PCDHGA9: variants seen among roughly 807,000 people sequenced by gnomAD.
PCDHGA9 encodes the protein protocadherin gamma subfamily A, 9, also known as protocadherin gamma-A9.
PCDHGA9 carries 37 observed loss-of-function variants against 62.5 expected under a neutral mutation model. That is an observed-to-expected ratio of 0.59 (90% CI 0.46 to 0.78). PCDHGA9 has a LOEUF of 0.78. Ranked by LOEUF, PCDHGA9 falls within the 30% of genes least tolerant of loss-of-function variation. The pLI, the probability that PCDHGA9 is intolerant of heterozygous loss-of-function variation, is 0.00. For synonymous variants in PCDHGA9, 459 were observed against 484.6 expected, an observed-to-expected ratio of 0.95 and a Z score of 0.69; for missense variants, 1,138 against 1,166.2, an observed-to-expected ratio of 0.98 and a Z score of 0.35.
chr5:141,420,047 G>C (rs1242042066), intron 1 of PCDHGA9: 1 of 1,613,958 alleles, frequency 6.2e-7, no homozygotes, highest in East Asian at 2.2e-5. Flanking sequence ...CTTTGAGTCA[G>C]TTCTCTGCTC....
intron 1 of PCDHGA9, chr5:141,427,993 C>G: frequency 6.3e-7 from 1 of 1,599,460 alleles, no homozygotes; most frequent in South Asian, 1.1e-5. Flanking sequence ...CCCGATGGCT[C>G]CGCACTCTTC....
chr5:141,449,830 T>G (rs1316368063), intron 1 of PCDHGA9, among the ~76,000 whole-genome samples: 1 of 151,724 alleles, frequency 6.6e-6, no homozygotes, highest in Non-Finnish European at 1.5e-5. Flanking sequence ...AAGGACATTC[T>G]TTTATATAAT....
chr5:141,501,013 C>A (rs1456343329), intron 2 of PCDHGA9, among the ~76,000 whole-genome samples: 6 of 151,970 alleles, frequency 3.9e-5, no homozygotes, highest in Non-Finnish European at 8.8e-5. Flanking sequence ...GGACTACAGG[C>A]ACGCGCCACC....
Position 141,510,957 on chromosome 5 carries a change from T to C in PCDHGA9, c.2583T>C (p.Asp861=), listed in dbSNP as rs372617587. ...MILASASEAA[D]GSSTLGGGAG... ...CCTCTGTCTCTGCAGAAGCTGCTGA[T>C]GGGAGCTCCACCCTGGGAGGGGGTG... Residue 861 remains aspartate, a synonymous_variant, in exon 4 of 4, where the codon GAT becomes GAC. Transcript: ENST00000573521. 2.5e-6 allele frequency: 4 copies of C among 1,614,134 alleles called. No individual in the cohort carries two copies. The highest frequency in any genetic ancestry group is 3.4e-6 in the Non-Finnish European group (4 of 1,180,004).
chr5:141,432,227 T>C lies in PCDHGA9; in HGVS notation c.2424+26851T>C, dbSNP rs1046414550. On this transcript the variant is annotated intron_variant, in intron 1 of 3. Coordinates refer to ENST00000573521, the MANE Select transcript of PCDHGA9 (RefSeq NM_018921.3). This position sits in a 1 kb window ranked among gnomAD's most constrained non-coding sequence, Gnocchi z 6.0. ...TGAAGAGAACGCCCAGATCACTTATTCCCTGGCTGAGAACACCATCCAAGG... is the reference window on the plus strand; with the variant it reads ...TGAAGAGAACGCCCAGATCACTTATCCCCTGGCTGAGAACACCATCCAAGG... 1.4e-5 allele frequency: 22 copies of C among 1,614,080 alleles called. No individual in the cohort carries two copies. The highest frequency in any genetic ancestry group is 1.8e-5 in the Non-Finnish European group (21 of 1,180,042).
At chr5:141,458,907 A>AT (rs759653270) in intron 1 of PCDHGA9, among the ~76,000 whole-genome samples, 1 of 151,752 alleles carries the variant, frequency 6.6e-6, no homozygotes, top group Non-Finnish European at 1.5e-5. Context: ...AATTTTTTCT[A>AT]TTTTTTGTGG....
chr5:141,446,623 TGC>T (rs1310809206), intron 1 of PCDHGA9, among the ~76,000 whole-genome samples: 1 of 152,014 alleles, frequency 6.6e-6, no homozygotes, highest in African/African-American at 2.4e-5. Flanking sequence ...ACTACAGGCG[TGC>T]ACCACCACGC....
chr5:141,414,087 A>G (rs377653676), intron 1 of PCDHGA9: 31 of 1,599,656 alleles, frequency 1.9e-5, no homozygotes, highest in Middle Eastern at 3.3e-4. Context: ...ATACTGGAGA[A>G]ATAAAAATAT....
In PCDHGA9 at chr5:141,432,670, G is replaced by C; in HGVS notation, c.2424+27294G>C. On this transcript the variant is annotated intron_variant, in intron 1 of 3. Transcript: ENST00000573521. The surrounding 1 kb of genome is among the most constrained non-coding windows in gnomAD (Gnocchi z 6.0). ...CGCGAGCCCTGCTGGACAGAGACGCGCTCAAGCAGAGCCTCGTAGTGGCCG... is the reference window on the plus strand; with the variant it reads ...CGCGAGCCCTGCTGGACAGAGACGCCCTCAAGCAGAGCCTCGTAGTGGCCG... 1 of 1,613,868 alleles carries C rather than the reference G, an allele frequency of 6.2e-7. No homozygotes were observed. The highest frequency in any genetic ancestry group is 8.5e-7 in the Non-Finnish European group (1 of 1,179,940).
rs775489120 is a variant in PCDHGA9 at position 141,418,594 on chromosome 5, C to T, written c.2424+13218C>T. ...ACAACCCCCCAGTGTTCAGCCAGGA[C>T]GTGTACAGGGTTAGCCTTCGGGAAG... On this transcript the variant is annotated intron_variant, in intron 1 of 3. Coordinates refer to ENST00000573521, the MANE Select transcript of PCDHGA9 (RefSeq NM_018921.3). The T allele has an allele frequency of 3.1e-6, 5 of 1,614,022 alleles. No individual in the cohort carries two copies. In the Admixed American group the frequency reaches 8.3e-5, roughly 27 times the overall value.
At position 141,512,574 on chromosome 5, in the gene PCDHGA9, C is replaced by T. The variant is rs1429371202; in HGVS notation, c.*1401C>T. 6.5e-6 allele frequency: 1 copy of T among 152,884 alleles called. No homozygotes were observed. Among genetic ancestry groups the T allele is most frequent in the Non-Finnish European group, 1.5e-5 (1 of 68,502 alleles). The allele number at this position is 152,884 out of a possible 1,614,324, so 9.5% of individuals were successfully genotyped here. On this transcript the variant is annotated 3_prime_UTR_variant, in exon 4 of 4. Coordinates refer to ENST00000573521, the MANE Select transcript of PCDHGA9 (RefSeq NM_018921.3). ...GTGCATAGACCTTCTTCTCCCACCCCCTTCTGCCCCTGGGTCCCCGGCCAT... is the reference window on the plus strand; with the variant it reads ...GTGCATAGACCTTCTTCTCCCACCCTCTTCTGCCCCTGGGTCCCCGGCCAT...
intron 2 of PCDHGA9, among the ~76,000 whole-genome samples, chr5:141,503,340 T>A (rs1394172617): frequency 6.6e-6 from 1 of 152,064 alleles, no homozygotes; most frequent in African/African-American, 2.4e-5. Flanking sequence ...CTCACGCCTG[T>A]AATTCCAGCA....
chr5:141,422,062 A>C, intron 1 of PCDHGA9: 4 of 1,612,140 alleles, frequency 2.5e-6, no homozygotes, highest in Non-Finnish European at 3.4e-6. Context: ...CGGGGAAGTA[A>C]TGTATTCATT....
At position 141,431,367 on chromosome 5, in the gene PCDHGA9, A is replaced by G; in HGVS notation, c.2424+25991A>G. 1.2e-6 allele frequency: 2 copies of G among 1,613,984 alleles called. No homozygotes were observed. The highest frequency in any genetic ancestry group is 2.2e-5 in the South Asian group (2 of 91,084). On this transcript the variant is annotated intron_variant, in intron 1 of 3. Coordinates refer to ENST00000573521, the MANE Select transcript of PCDHGA9 (RefSeq NM_018921.3). This position sits in a 1 kb window ranked among gnomAD's most constrained non-coding sequence, Gnocchi z 4.8. ...GTGCTGAAACGCGCCCTGGACCGCGAAGAAAAGGCTGCTCACCACCTGGTC... is the reference window on the plus strand; with the variant it reads ...GTGCTGAAACGCGCCCTGGACCGCGGAGAAAAGGCTGCTCACCACCTGGTC...
chr5:141,457,942 T>C (rs2098933338), intron 1 of PCDHGA9, among the ~76,000 whole-genome samples: 1 of 152,226 alleles, frequency 6.6e-6, no homozygotes, highest in Non-Finnish European at 1.5e-5. Flanking sequence ...TTATTGGCTC[T>C]GCATGTCAAG....
At position 141,490,840 on chromosome 5, in the gene PCDHGA9, G is replaced by C. The variant is rs1177428192; in HGVS notation, c.2425-3967G>C. On this transcript the variant is annotated intron_variant, in intron 1 of 3. Transcript: ENST00000573521. This position sits in a 1 kb window ranked among gnomAD's most constrained non-coding sequence, Gnocchi z 5.4. Reference sequence around the variant, plus strand: ...ATTGCTGCAGATGCTGCAGATTGTGGTGGGGGTTCGAGACTCCGGCTCTCC... The same window carrying C: ...ATTGCTGCAGATGCTGCAGATTGTGCTGGGGGTTCGAGACTCCGGCTCTCC... 2 of 1,613,900 alleles carry C rather than the reference G, an allele frequency of 1.2e-6. No homozygotes were observed. Among genetic ancestry groups the C allele is most frequent in the Middle Eastern group, 3.3e-4 (2 of 6,058 alleles).
At position 141,404,276 on chromosome 5, in the gene PCDHGA9, G is replaced by A. The variant is rs754510135; in HGVS notation, c.1324G>A (p.Val442Met). The change falls in exon 1 of 4, where the codon GTG becomes ATG. Residue 442 changes from valine (V) to methionine (M), a missense_variant. Coordinates refer to ENST00000573521, the MANE Select transcript of PCDHGA9 (RefSeq NM_018921.3). ...LSTEIHITLQ[V>M]TDINDNPPAF... ...CACAGAAATTCACATCACCCTGCAAGTGACTGACATCAATGATAATCCACC... is the reference window on the plus strand; with the variant it reads ...CACAGAAATTCACATCACCCTGCAAATGACTGACATCAATGATAATCCACC... 1 of 1,613,992 alleles carries A rather than the reference G, an allele frequency of 6.2e-7. No individual in the cohort carries two copies. Among genetic ancestry groups the A allele is most frequent in the Non-Finnish European group, 8.5e-7 (1 of 1,179,886 alleles).
Position 141,490,310 on chromosome 5 carries a change from A to G in PCDHGA9, c.2425-4497A>G. 2 of 1,614,082 alleles carry G rather than the reference A, an allele frequency of 1.2e-6. No homozygotes were observed. Among genetic ancestry groups the G allele is most frequent in the South Asian group, 2.2e-5 (2 of 91,078 alleles). ...GAGGTGCTATTGGCCTCTTTGGCCA[A>G]CCCTGTCCTAGAGAGCACACCAGTG... On this transcript the variant is annotated intron_variant, in intron 1 of 3. Transcript: ENST00000573521. The surrounding 1 kb of genome is among the most constrained non-coding windows in gnomAD (Gnocchi z 5.4).
At chr5:141,440,275 T>C (rs913705052) in intron 1 of PCDHGA9, 14 of 152,120 alleles carry the variant, frequency 9.2e-5, no homozygotes, top group African/African-American at 3.1e-4. Flanking sequence ...GAGACCAGCC[T>C]GACCAACATA....
Sources: gnomAD v4.1 joint callset for allele counts (sites outside exome capture counted in the v4.1 genomes callset) on GRCh38, gnomAD v4.1.1 for gene constraint, Gnocchi (gnomAD v3.1) non-coding constraint, MANE v1.5 for transcripts, NCBI Gene and HGNC (gene_info 2026-07-23, HGNC 2026-07-21) for gene names.